AGMO: variants seen among roughly 807,000 people sequenced by gnomAD.
AGMO encodes alkylglycerol monooxygenase, also known as glyceryl-ether monooxygenase.
AGMO carries 75 observed loss-of-function variants against 60.2 expected under a neutral mutation model. That is an observed-to-expected ratio of 1.25 (90% CI 1.03 to 1.51). The LOEUF (loss-of-function observed/expected upper bound fraction) is 1.51, where lower values mean the gene tolerates loss of function less well. Ranked by LOEUF, AGMO falls within the 40% of genes most tolerant of loss-of-function variation. AGMO has a pLI of 0.00. For synonymous variants in AGMO, 261 were observed against 177.1 expected (o/e 1.47, Z -3.76); for missense variants, 763 against 525.5 (o/e 1.45, Z -4.42).
chr7:15,384,713 C>T (rs1783842532), intron 10 of AGMO, among the ~76,000 whole-genome samples: 1 of 151,980 alleles, frequency 6.6e-6, no homozygotes, highest in South Asian at 2.1e-4. Flanking sequence ...TCTACTTCAC[C>T]TACTTACAAT....
chr7:15,250,090 TTAATA>T (rs1028723168), intron 12 of AGMO, among the ~76,000 whole-genome samples: 1 of 152,186 alleles, frequency 6.6e-6, no homozygotes, highest in Non-Finnish European at 1.5e-5. Flanking sequence ...CTTCAACAAT[TTAATA>T]TAATTGTGCT....
intron 3 of AGMO, among the ~76,000 whole-genome samples, chr7:15,544,144 C>A (rs866718890): frequency 2.2e-4 from 34 of 151,564 alleles, no homozygotes; most frequent in African/African-American, 7.3e-4. Context: ...ATCATATGTT[C>A]TCACTCATAT....
chr7:15,130,195 G>T, the AGMO span, among the ~76,000 whole-genome samples: 1 of 151,790 alleles, frequency 6.6e-6, no homozygotes, highest in Non-Finnish European at 1.5e-5. Context: ...TTAGAGTAAT[G>T]ATTTTCAAAT....
At chr7:15,131,668 C>A in the AGMO span, among the ~76,000 whole-genome samples, 1 of 151,636 alleles carries the variant, frequency 6.6e-6, no homozygotes, top group South Asian at 2.1e-4. Flanking sequence ...ATTAAAGGGG[C>A]AATTTATAAA....
chr7:15,275,701 T>C (rs1783764199), intron 12 of AGMO, among the ~76,000 whole-genome samples: 1 of 152,214 alleles, frequency 6.6e-6, no homozygotes, highest in Admixed American at 6.5e-5. Flanking sequence ...GTATTTATTT[T>C]ATGAATCTGG....
intron 3 of AGMO, among the ~76,000 whole-genome samples, chr7:15,507,074 A>G (rs1783530260): frequency 6.6e-6 from 1 of 152,096 alleles, no homozygotes; most frequent in Non-Finnish European, 1.5e-5. Context: ...AAAGGAAAGG[A>G]ATAACATATT....
At chr7:15,329,207 G>A (rs953110523) in intron 12 of AGMO, among the ~76,000 whole-genome samples, 18 of 152,030 alleles carry the variant, frequency 1.2e-4, no homozygotes, top group East Asian at 7.7e-4. Flanking sequence ...TTCGATATTC[G>A]TCTGTATTGT....
At chr7:15,462,854 A>G (rs1266437881) in intron 3 of AGMO, among the ~76,000 whole-genome samples, 2 of 152,174 alleles carry the variant, frequency 1.3e-5, no homozygotes, top group African/African-American at 4.8e-5. Flanking sequence ...AGAATCACTC[A>G]TGTCTGCCCT....
Position 15,396,798 on chromosome 7 carries a change from T to C in AGMO, c.610-2619A>G, listed in dbSNP as rs574483954. Among the ~76,000 whole-genome samples the C allele has an allele frequency of 2.6e-5, 4 of 151,436 alleles. No individual in the cohort carries two copies. In the East Asian group the frequency reaches 5.8e-4, roughly 22 times the overall value. On this transcript the variant is annotated intron_variant, in intron 5 of 12. Transcript: ENST00000342526. ...ATCTTACAGGGAGCTGATTGGTCCG[T>C]TTTACAGAGAGCTGATTGGTCCATT...
At chr7:15,352,857 T>C (rs1782302681) in intron 12 of AGMO, among the ~76,000 whole-genome samples, 1 of 152,022 alleles carries the variant, frequency 6.6e-6, no homozygotes, top group African/African-American at 2.4e-5. Flanking sequence ...AGCTAAAAAT[T>C]AGAACGTGTA....
chr7:15,533,787 G>A lies in AGMO; in HGVS notation c.409+10985C>T, dbSNP rs1325312961. On this transcript the variant is annotated intron_variant, in intron 3 of 12. Transcript: ENST00000342526. ...ACCTGCACATCTGGTGTATTTTTCCGGGGCTCTTCTGTTCTGTTTGTTTAA... is the reference window on the plus strand; with the variant it reads ...ACCTGCACATCTGGTGTATTTTTCCAGGGCTCTTCTGTTCTGTTTGTTTAA... 8.6e-5 allele frequency among the ~76,000 whole-genome samples: 13 copies of A among 152,004 alleles called. No individual in the cohort carries two copies. In the East Asian group the frequency reaches 2.3e-3, roughly 27 times the overall value.
intron 5 of AGMO, chr7:15,396,646 T>A (rs553725132): frequency 6.6e-6 from 1 of 150,924 alleles, no homozygotes; most frequent in Admixed American, 6.6e-5. Context: ...ATCCTGCTGA[T>A]TGGTCCACTT....
intron 12 of AGMO, among the ~76,000 whole-genome samples, chr7:15,220,447 AGCTCAG>A (rs1201849265): frequency 6.0e-5 from 9 of 150,920 alleles, no homozygotes; most frequent in Non-Finnish European, 1.2e-4. Flanking sequence ...TCGAACTCTG[AGCTCAG>A]GCAATCCGCC....
At chr7:15,493,744 T>C (rs1205279195) in intron 3 of AGMO, among the ~76,000 whole-genome samples, 1 of 152,146 alleles carries the variant, frequency 6.6e-6, no homozygotes, top group African/African-American at 2.4e-5. Context: ...CTGAATCCTT[T>C]AGAGTGCATA....
rs193142272 is a variant in AGMO, at chr7:15,364,371, C to G, written c.1263+1143G>C. Among the ~76,000 whole-genome samples, 493 of 151,976 alleles carry G rather than the reference C, an allele frequency of 3.2e-3. 2 individuals are homozygous for G. Among genetic ancestry groups the G allele is most frequent in the Non-Finnish European group, 5.8e-3 (393 of 67,916 alleles). On this transcript the variant is annotated intron_variant, in intron 12 of 12. Coordinates refer to ENST00000342526, the MANE Select transcript of AGMO (RefSeq NM_001004320.2). ...CTCCCTGTTTTTATACTTATGTGCA[C>G]TGTATGGCAGGATACTTCACAGAGA...
the AGMO span, among the ~76,000 whole-genome samples, chr7:15,171,159 T>C: frequency 6.6e-6 from 1 of 152,072 alleles, no homozygotes; most frequent in African/African-American, 2.4e-5. Flanking sequence ...TTTTTTGTAT[T>C]TTTAGTAGAG....
chr7:15,509,661 T>C (rs189367186), intron 3 of AGMO, among the ~76,000 whole-genome samples: 12 of 152,236 alleles, frequency 7.9e-5, no homozygotes, highest in African/African-American at 2.9e-4. Context: ...AAGCAAATCA[T>C]CTATCTAATA....
At chr7:15,342,932 A>G (rs1355814035) in intron 12 of AGMO, among the ~76,000 whole-genome samples, 1 of 152,056 alleles carries the variant, frequency 6.6e-6, no homozygotes, top group African/African-American at 2.4e-5. Flanking sequence ...CTTCTCTGTG[A>G]GGAGTAAATG....
At chr7:15,316,707 A>G (rs932197666) in intron 12 of AGMO, among the ~76,000 whole-genome samples, 2 of 152,206 alleles carry the variant, frequency 1.3e-5, no homozygotes, top group African/African-American at 4.8e-5. Context: ...TTAACAGGCT[A>G]ATGTATTTAG....
Sources: allele counts gnomAD v4.1 joint callset (sites outside exome capture counted in the v4.1 genomes callset), GRCh38; gene constraint gnomAD v4.1.1; transcripts MANE v1.5; gene names NCBI Gene and HGNC (gene_info 2026-07-23, HGNC 2026-07-21).